QKI: variants seen among roughly 807,000 people sequenced by gnomAD.
The protein encoded by QKI is QKI, KH domain containing RNA binding.
Under a neutral mutation model 39.0 loss-of-function variants are expected in QKI, and 10 were observed. The ratio of observed to expected loss-of-function variants is 0.26; its 90% CI spans 0.16 to 0.43. The LOEUF (loss-of-function observed/expected upper bound fraction) is 0.43. QKI is among the 20% of genes least tolerant of loss of function. QKI has a pLI of 1.00. For synonymous variants in QKI, 204 were observed against 155.4 expected, an observed-to-expected ratio of 1.31 and a Z score of -2.33; for missense variants, 218 against 428.0, an observed-to-expected ratio of 0.51 and a Z score of 4.33.
At chr6:163,569,188 TAAATA>T in intron 7 of QKI, 1 of 956,756 alleles carries the variant, frequency 1.0e-6, no homozygotes, top group Non-Finnish European at 1.2e-6. Flanking sequence ...ATTTTTATTT[TAAATA>T]AAATTCCACT....
chr6:163,482,640 T>G (rs1793162452), intron 3 of QKI, among the ~76,000 whole-genome samples: 1 of 152,126 alleles, frequency 6.6e-6, no homozygotes, highest in Non-Finnish European at 1.5e-5. Flanking sequence ...TACTTATTTA[T>G]TATAAAGGAT....
chr6:163,453,543 T>G lies in QKI; in HGVS notation c.143-1736T>G, dbSNP rs538021383. ...AATTATGTAAATGATGTAAAGGAGT[T>G]TAAATTGTTGCTTGGTTGTTGAAAA... is the stretch of plus-strand genomic sequence containing the variant. On this transcript the variant is annotated intron_variant, in intron 1 of 7. Coordinates refer to ENST00000361752, the MANE Select transcript of QKI (RefSeq NM_006775.3). Among the ~76,000 whole-genome samples, 15 of 152,314 alleles carry G rather than the reference T, an allele frequency of 9.8e-5. No individual in the cohort carries two copies. The East Asian group carries it at 2.7e-3, about 27-fold the overall frequency.
At position 163,578,469 on chromosome 6, in the gene QKI, C is replaced by T. The variant is rs1391277011; in HGVS notation, c.*7759C>T. On this transcript the variant is annotated 3_prime_UTR_variant, in exon 8 of 8. Coordinates refer to ENST00000361752, the MANE Select transcript of QKI (RefSeq NM_006775.3). ...GATTGATTTATAAAATTAAGACATA[C>T]TGGTAGTACAAGTTGAAAGTTGGTT... The T allele has an allele frequency of 6.6e-6, 1 of 152,162 alleles. No homozygotes were observed. Among genetic ancestry groups the T allele is most frequent in the Admixed American group, 6.5e-5 (1 of 15,280 alleles). The allele number at this position is 152,162 out of a possible 1,614,324, so 9.4% of individuals were successfully genotyped here.
At chr6:163,523,928 G>A (rs550140215) in intron 3 of QKI, among the ~76,000 whole-genome samples, 2 of 152,158 alleles carry the variant, frequency 1.3e-5, no homozygotes, top group Non-Finnish European at 2.9e-5. Context: ...CATAAGATTC[G>A]ATGGAAGCAA....
intron 3 of QKI, 112 bp downstream of exon 3, chr6:163,479,008 G>A (rs1261581540): frequency 2.1e-5 from 18 of 867,970 alleles, no homozygotes; most frequent in African/African-American, 5.2e-5. Flanking sequence ...ATTCCAGGCC[G>A]GGCGCGGTGG....
intron 3 of QKI, among the ~76,000 whole-genome samples, chr6:163,523,396 A>G (rs1349414637): frequency 6.6e-6 from 1 of 152,228 alleles, no homozygotes; most frequent in Non-Finnish European, 1.5e-5. Flanking sequence ...TTTTCAGTTT[A>G]TAATCTAGGA....
intron 3 of QKI, among the ~76,000 whole-genome samples, chr6:163,527,292 A>G (rs1290336411): frequency 6.6e-6 from 1 of 152,196 alleles, no homozygotes; most frequent in Non-Finnish European, 1.5e-5. Context: ...CTCAATGAAC[A>G]TTTCTTAAAC....
At chr6:163,569,041 A>G (rs1783547376) in intron 7 of QKI, 1 of 974,658 alleles carries the variant, frequency 1.0e-6, no homozygotes, top group African/African-American at 1.8e-5. Context: ...AATTTGTATA[A>G]GAAACTTTAA....
At position 163,575,477 on chromosome 6, in the gene QKI, T is replaced by C. The variant is rs927786511; in HGVS notation, c.*4767T>C. 5.3e-5 allele frequency: 8 copies of C among 152,332 alleles called. No individual in the cohort carries two copies. Among genetic ancestry groups the C allele is most frequent in the Admixed American group, 3.9e-4 (6 of 15,308 alleles). The allele number at this position is 152,332 out of a possible 1,614,324, so 9.4% of individuals were successfully genotyped here. A position where few individuals can be genotyped will look rare whatever the true frequency, so the allele number is the denominator to read the frequency against. On this transcript the variant is annotated 3_prime_UTR_variant, in exon 8 of 8. Coordinates refer to ENST00000361752, the MANE Select transcript of QKI (RefSeq NM_006775.3). ...AGAGTCAGTTGATTGATTGAAACTA[T>C]TTGACAAAACAGTTGAAAGCTGAGC...
intron 2 of QKI, among the ~76,000 whole-genome samples, chr6:163,467,162 C>T (rs548174841): frequency 1.3e-5 from 2 of 152,248 alleles, no homozygotes; most frequent in South Asian, 4.1e-4. Context: ...ATCACACACA[C>T]ACACACACAC....
chr6:163,509,736 A>G (rs886741667), intron 3 of QKI, among the ~76,000 whole-genome samples: 3 of 152,168 alleles, frequency 2.0e-5, no homozygotes, highest in Admixed American at 6.5e-5. Context: ...AATAATGTAT[A>G]TATAGATATA....
chr6:163,441,684 T>C (rs1789773132), intron 1 of QKI, among the ~76,000 whole-genome samples: 1 of 152,214 alleles, frequency 6.6e-6, no homozygotes. Flanking sequence ...AAGGTTGGAC[T>C]CCTTGAAAAA....
chr6:163,564,968 A>T (rs1035634297), intron 6 of QKI: 2 of 1,290,826 alleles, frequency 1.5e-6, no homozygotes, highest in Non-Finnish European at 2.0e-6. Context: ...ACTAAGATTT[A>T]AACTCGAAAA....
At chr6:163,454,270 A>G (rs1394830816) in intron 1 of QKI, among the ~76,000 whole-genome samples, 1 of 152,140 alleles carries the variant, frequency 6.6e-6, no homozygotes, top group Non-Finnish European at 1.5e-5. Context: ...CATTTTCTTT[A>G]TGGGACTCGG....
At chr6:163,479,115 G>T (rs1487631168) in intron 3 of QKI, among the ~76,000 whole-genome samples, 1 of 77,542 alleles carries the variant, frequency 1.3e-5, no homozygotes, top group African/African-American at 5.6e-5. Flanking sequence ...GTGAAACCCT[G>T]TCTTTACTAA....
intron 1 of QKI, among the ~76,000 whole-genome samples, chr6:163,450,169 T>C (rs1790448487): frequency 6.6e-6 from 1 of 152,140 alleles, no homozygotes; most frequent in Non-Finnish European, 1.5e-5. Context: ...GCAATTCTCC[T>C]GCCTCAGCCT....
chr6:163,432,597 C>T (rs891743233), intron 1 of QKI, among the ~76,000 whole-genome samples: 3 of 151,986 alleles, frequency 2.0e-5, no homozygotes, highest in Non-Finnish European at 4.4e-5. Context: ...GACAGGGTCT[C>T]ACGATATTGC....
chr6:163,458,678 T>G (rs1791123455), intron 2 of QKI, among the ~76,000 whole-genome samples: 1 of 152,164 alleles, frequency 6.6e-6, no homozygotes, highest in African/African-American at 2.4e-5. Context: ...AGAAATGAAG[T>G]AGTGCTATAG....
rs969979647 is a variant in QKI at position 163,577,148 on chromosome 6, T to C, written c.*6438T>C. ...ACGAGTCTTTAACATCTAAATGTTA[T>C]GACTCCTTGTACCTTAAGTTTTCCA... On this transcript the variant is annotated 3_prime_UTR_variant, in exon 8 of 8. Transcript: ENST00000361752. The C allele has an allele frequency of 3.9e-5, 6 of 152,202 alleles. No homozygotes were observed. Among genetic ancestry groups the C allele is most frequent in the Non-Finnish European group, 5.9e-5 (4 of 68,030 alleles). 9.4% of individuals were successfully genotyped at this position (152,202 alleles called of 1,614,324 possible).
Sources: gnomAD v4.1 joint callset for allele counts (sites outside exome capture counted in the v4.1 genomes callset) on GRCh38, gnomAD v4.1.1 for gene constraint, MANE v1.5 for transcripts, NCBI Gene and HGNC (gene_info 2026-07-23, HGNC 2026-07-21) for gene names.